The following FBLN2 variants were observed in gnomAD, a reference collection of about 807,000 sequenced individuals.
FBLN2 encodes fibulin-2.
A neutral mutation model predicts 123.7 loss-of-function variants in FBLN2; 81 were observed. The ratio of observed to expected loss-of-function variants is 0.65; its 90% CI spans 0.55 to 0.79. The LOEUF (loss-of-function observed/expected upper bound fraction) is 0.79, where lower values mean the gene tolerates loss of function less well. Among genes scored for constraint, FBLN2 ranks in the 30% least tolerant of loss-of-function variants. The pLI is 0.00. For synonymous variants in FBLN2, 699 were observed against 701.4 expected, an observed-to-expected ratio of 1.00 and a Z score of 0.05; for missense variants, 1,603 against 1,681.3, an observed-to-expected ratio of 0.95 and a Z score of 0.81.
chr3:13,550,984 AG>A (rs1703306768), intron 1 of FBLN2, among the ~76,000 whole-genome samples: 2 of 152,288 alleles, frequency 1.3e-5, no homozygotes, highest in Admixed American at 6.5e-5. Context: ...AAAAGTCACA[AG>A]GTCTGGTAGT....
chr3:13,563,604 C>G (rs1703667932), intron 1 of FBLN2, among the ~76,000 whole-genome samples: 1 of 152,254 alleles, frequency 6.6e-6, no homozygotes, highest in South Asian at 2.1e-4. Context: ...CCTCAAGCGT[C>G]CCTGCCTCGG....
At chr3:13,590,412 G>C (rs1024055399) in intron 2 of FBLN2, among the ~76,000 whole-genome samples, 1 of 152,116 alleles carries the variant, frequency 6.6e-6, no homozygotes, top group Non-Finnish European at 1.5e-5. Flanking sequence ...TGCAACCTCC[G>C]CTTCCCAGGT....
At chr3:13,556,278 A>G (rs928586242) in intron 1 of FBLN2, among the ~76,000 whole-genome samples, 1 of 148,814 alleles carries the variant, frequency 6.7e-6, no homozygotes, top group African/African-American at 2.5e-5. Context: ...TCTTCCCGGC[A>G]TGCACGTGGC....
At chr3:13,619,178 G>A (rs981651326) in intron 7 of FBLN2, among the ~76,000 whole-genome samples, 161 bp downstream of exon 7, 5 of 152,212 alleles carry the variant, frequency 3.3e-5, no homozygotes, top group African/African-American at 1.2e-4. Context: ...CCTGGGCTGA[G>A]TGAGGAGCTG....
intron 2 of FBLN2, among the ~76,000 whole-genome samples, chr3:13,597,399 A>G (rs550373295): frequency 1.3e-5 from 2 of 152,166 alleles, no homozygotes; most frequent in East Asian, 3.9e-4. Flanking sequence ...TCCAGTTACC[A>G]CCGTCCTGAT....
Position 13,571,366 on chromosome 3 carries a change from A to C in FBLN2, c.1011A>C (p.Glu337Asp). The C allele has an allele frequency of 6.2e-7, 1 of 1,612,614 alleles. No individual in the cohort carries two copies. The highest frequency in any genetic ancestry group is 1.7e-5 in the Admixed American group (1 of 59,846). ...GARAEAGARP[E>D]ENLILDAQAT... ...GGGCAGAAGCTGGGGCAAGGCCTGA[A>C]GAGAACCTCATCCTGGATGCCCAAG... Residue 337 changes from glutamate to aspartate, a missense_variant, in exon 2 of 18, where the codon GAA becomes GAC. Physicochemically the swap from Glu to Asp is conservative, Grantham distance 45 (BLOSUM62 2). Transcript: ENST00000404922.
Position 13,574,591 on chromosome 3 carries a change from A to C in FBLN2, c.1306+2930A>C, listed in dbSNP as rs1485322969. ...AGCTCAAAGACAGGACCCCCAGCCC[A>C]GCCAGGCCTGGGGCACTGGCTGGAA... On this transcript the variant is annotated intron_variant, in intron 2 of 17. Transcript: ENST00000404922. Among the ~76,000 whole-genome samples, 3 of 152,096 alleles carry C rather than the reference A, an allele frequency of 2.0e-5. No homozygotes were observed. In the South Asian group the frequency reaches 6.2e-4, roughly 32 times the overall value.
chr3:13,556,085 G>T (rs2125032142), intron 1 of FBLN2, among the ~76,000 whole-genome samples: 1 of 152,338 alleles, frequency 6.6e-6, no homozygotes, highest in Middle Eastern at 3.4e-3. Flanking sequence ...CAAGTGTCTG[G>T]CTCTCAGGGA....
chr3:13,556,128 C>CCCTCA (rs1278679030), intron 1 of FBLN2, among the ~76,000 whole-genome samples: 7 of 152,202 alleles, frequency 4.6e-5, no homozygotes, highest in African/African-American at 1.7e-4. Context: ...CAGCTCCGTG[C>CCCTCA]CCTAAGACTG....
chr3:13,570,911 G>T lies in FBLN2; in HGVS notation c.556G>T (p.Glu186Ter). The change falls in exon 2 of 18, where the codon GAG becomes TAG. Residue 186 changes from glutamate to a stop codon, truncating the protein, a stop_gained. Transcript: ENST00000404922. LOFTEE classifies it high-confidence loss of function. ...GCHGNFSDAE[E>*]GDPERHYEDP... ...CCACGGGAACTTCTCAGATGCCGAG[G>T]AGGGTGACCCCGAGCGACACTACGA... The T allele has an allele frequency of 6.2e-7, 1 of 1,612,954 alleles. No individual in the cohort carries two copies. Among genetic ancestry groups the T allele is most frequent in the Non-Finnish European group, 8.5e-7 (1 of 1,179,664 alleles).
chr3:13,564,250 G>T (rs566732029), intron 1 of FBLN2, among the ~76,000 whole-genome samples: 13 of 152,168 alleles, frequency 8.5e-5, no homozygotes, highest in African/African-American at 2.9e-4. Context: ...GGGCCAGGTG[G>T]TACTGATTAT....
chr3:13,567,752 G>C (rs907723269), intron 1 of FBLN2, among the ~76,000 whole-genome samples: 3 of 151,936 alleles, frequency 2.0e-5, no homozygotes, highest in African/African-American at 7.2e-5. Context: ...AGGGTCGCTT[G>C]AGGTCAAGAG....
At chr3:13,596,936 T>G (rs1458304101) in intron 2 of FBLN2, among the ~76,000 whole-genome samples, 2 of 151,986 alleles carry the variant, frequency 1.3e-5, no homozygotes, top group Admixed American at 6.5e-5. Flanking sequence ...GTTTATTTAT[T>G]TATTTATTTA....
chr3:13,625,915 CA>C (rs1407512328), intron 9 of FBLN2, among the ~76,000 whole-genome samples: 2 of 151,892 alleles, frequency 1.3e-5, no homozygotes, highest in Non-Finnish European at 2.9e-5. Context: ...TGAACCTGCA[CA>C]GCTGGCTTCC....
At chr3:13,568,539 G>C (rs13084718) in intron 1 of FBLN2, among the ~76,000 whole-genome samples, 1 of 151,730 alleles carries the variant, frequency 6.6e-6, no homozygotes, top group Non-Finnish European at 1.5e-5. Flanking sequence ...CTGGAAGCCC[G>C]TTGCTCTGCA....
At chr3:13,605,128 T>A (rs1430757344) in intron 2 of FBLN2, among the ~76,000 whole-genome samples, 3 of 152,198 alleles carry the variant, frequency 2.0e-5, no homozygotes, top group Non-Finnish European at 4.4e-5. Flanking sequence ...ATCTGTTACT[T>A]GTTGCCCTCA....
intron 16 of FBLN2, among the ~76,000 whole-genome samples, chr3:13,635,568 C>A (rs768242657): frequency 6.6e-6 from 1 of 152,190 alleles, no homozygotes; most frequent in Non-Finnish European, 1.5e-5. Context: ...GTGTGCTGAA[C>A]CTATGTGCCT....
At chr3:13,568,746 C>T (rs1703825899) in intron 1 of FBLN2, 5 of 985,446 alleles carry the variant, frequency 5.1e-6, no homozygotes, top group Non-Finnish European at 4.8e-6. Flanking sequence ...CCTTGATTCC[C>T]TTCATTTATT....
intron 2 of FBLN2, among the ~76,000 whole-genome samples, chr3:13,587,550 A>G (rs1052828600): frequency 6.6e-6 from 1 of 152,202 alleles, no homozygotes; most frequent in Non-Finnish European, 1.5e-5. Context: ...CCCGCCACCA[A>G]CCATCTAACT....
Sources: allele counts gnomAD v4.1 joint callset (sites outside exome capture counted in the v4.1 genomes callset), GRCh38; gene constraint gnomAD v4.1.1; transcripts MANE v1.5; gene names NCBI Gene and HGNC (gene_info 2026-07-23, HGNC 2026-07-21).